The following RUNDC3B variants were observed in gnomAD, a reference collection of about 807,000 sequenced individuals.
The protein encoded by RUNDC3B is RUN domain-containing protein 3B.
Under a neutral mutation model 58.4 loss-of-function variants are expected in RUNDC3B, and 33 were observed. The ratio of observed to expected loss-of-function variants is 0.56; its 90% CI spans 0.43 to 0.75. The LOEUF is 0.75. Ranked by LOEUF, RUNDC3B falls within the 30% of genes least tolerant of loss-of-function variation. The probability of loss-of-function intolerance (pLI) is 0.00; values close to 1 mark genes in which losing one functional copy is unlikely to be tolerated. For synonymous variants in RUNDC3B, 193 were observed against 195.2 expected (o/e 0.99, Z 0.10); for missense variants, 501 against 535.7 (o/e 0.94, Z 0.64).
chr7:87,661,964 A>G lies in RUNDC3B; in HGVS notation c.238+11027A>G, dbSNP rs116996549. 4.0e-3 allele frequency among the ~76,000 whole-genome samples: 603 copies of G among 152,264 alleles called. 1 individual carries two copies. The highest frequency in any genetic ancestry group is 6.9e-3 in the Non-Finnish European group (467 of 67,990). On this transcript the variant is annotated intron_variant, in intron 2 of 10. Coordinates refer to ENST00000394654, the MANE Select transcript of RUNDC3B (RefSeq NM_001134405.2). ...GCCATTTTAACTGGAGTGAAATAAT[A>G]TATCATTGTACTTTTGATTTGCATT...
At chr7:87,700,001 G>T (rs565939332) in intron 2 of RUNDC3B, among the ~76,000 whole-genome samples, 11 of 150,518 alleles carry the variant, frequency 7.3e-5, no homozygotes, top group South Asian at 2.1e-4. Flanking sequence ...TGGTGGTGGG[G>T]TTTTTTTTTC....
intron 9 of RUNDC3B, among the ~76,000 whole-genome samples, chr7:87,810,221 C>T (rs940984901): frequency 1.3e-5 from 2 of 152,170 alleles, no homozygotes; most frequent in African/African-American, 4.8e-5. Flanking sequence ...GCAAAGGATT[C>T]ATGAATCAGG....
At chr7:87,667,593 C>T (rs1825393325) in intron 2 of RUNDC3B, among the ~76,000 whole-genome samples, 1 of 152,046 alleles carries the variant, frequency 6.6e-6, no homozygotes, top group Admixed American at 6.6e-5. Context: ...CTGGCTTTTG[C>T]CCATTCAGCA....
intron 6 of RUNDC3B, among the ~76,000 whole-genome samples, chr7:87,758,343 C>G (rs934768216): frequency 5.9e-5 from 9 of 151,956 alleles, no homozygotes; most frequent in Non-Finnish European, 1.3e-4. Context: ...AGAAAACAAA[C>G]AAACAAACAA....
intron 2 of RUNDC3B, chr7:87,694,177 A>G (rs1256180378): frequency 3.0e-6 from 1 of 336,180 alleles, no homozygotes; most frequent in African/African-American, 2.2e-5. Context: ...TCCACACAAT[A>G]TAATAACCTA....
At chr7:87,758,595 C>T (rs1355627930) in intron 6 of RUNDC3B, among the ~76,000 whole-genome samples, 2 of 151,950 alleles carry the variant, frequency 1.3e-5, no homozygotes, top group Non-Finnish European at 2.9e-5. Context: ...GGATTAATAA[C>T]CAGAATATGT....
chr7:87,665,319 TAAG>T (rs1164548326), intron 2 of RUNDC3B, among the ~76,000 whole-genome samples: 1 of 151,974 alleles, frequency 6.6e-6, no homozygotes, highest in Non-Finnish European at 1.5e-5. Flanking sequence ...AAATAGAAAT[TAAG>T]AAAACAGTTC....
intron 3 of RUNDC3B, among the ~76,000 whole-genome samples, chr7:87,708,683 G>A (rs533753268): frequency 3.2e-4 from 48 of 151,948 alleles, no homozygotes; most frequent in Non-Finnish European, 6.0e-4. Flanking sequence ...CTCATTCCCT[G>A]AAACAGGAAA....
At chr7:87,725,960 T>C (rs1373596483) in intron 4 of RUNDC3B, among the ~76,000 whole-genome samples, 2 of 152,242 alleles carry the variant, frequency 1.3e-5, no homozygotes, top group Non-Finnish European at 2.9e-5. Flanking sequence ...CTTGTAAATT[T>C]GCCTGAGTTC....
intron 8 of RUNDC3B, among the ~76,000 whole-genome samples, chr7:87,806,477 G>A (rs1290548232): frequency 1.3e-5 from 2 of 152,156 alleles, no homozygotes; most frequent in East Asian, 1.9e-4. Flanking sequence ...ATGGACTCCT[G>A]TTGGAGGATG....
Position 87,816,218 on chromosome 7 carries a change from A to G in RUNDC3B, c.1181A>G (p.Gln394Arg). 6.2e-7 allele frequency: 1 copy of G among 1,612,018 alleles called. No homozygotes were observed. Among genetic ancestry groups the G allele is most frequent in the Non-Finnish European group, 8.5e-7 (1 of 1,178,258 alleles). Residue 394 changes from glutamine (Q) to arginine (R), a missense_variant, in exon 10 of 11, where the codon CAA (glutamine) becomes CGA (arginine). Coordinates refer to ENST00000394654, the MANE Select transcript of RUNDC3B (RefSeq NM_001134405.2). ...SQTSLDPGQS[Q>R]EGDGKQDTLN... ...ACTTCACTAGATCCAGGCCAGTCAC[A>G]AGAAGGAGATGGAAAACAAGACACA...
intron 1 of RUNDC3B, among the ~76,000 whole-genome samples, chr7:87,635,716 A>C (rs1441800681): frequency 2.6e-5 from 4 of 152,212 alleles, no homozygotes; most frequent in Admixed American, 2.0e-4. Flanking sequence ...TGTAACTAGC[A>C]CCCAAGTCAA....
At chr7:87,634,385 G>A (rs1821531462) in intron 1 of RUNDC3B, among the ~76,000 whole-genome samples, 1 of 151,724 alleles carries the variant, frequency 6.6e-6, no homozygotes, top group African/African-American at 2.4e-5. Flanking sequence ...ACTTTGGGAG[G>A]CTGAGGCAGA....
chr7:87,740,692 C>T (rs1410951900), intron 5 of RUNDC3B, among the ~76,000 whole-genome samples: 2 of 152,104 alleles, frequency 1.3e-5, no homozygotes, highest in Admixed American at 6.5e-5. Flanking sequence ...TAAAGCACTT[C>T]CTTTTCTAAA....
At chr7:87,727,884 A>G (rs1831333934) in intron 4 of RUNDC3B, among the ~76,000 whole-genome samples, 2 of 152,138 alleles carry the variant, frequency 1.3e-5, no homozygotes, top group African/African-American at 2.4e-5. Flanking sequence ...TTCCTAGGAA[A>G]AATTACAGTA....
At chr7:87,813,746 G>C (rs1039260921) in intron 9 of RUNDC3B, among the ~76,000 whole-genome samples, 2 of 152,064 alleles carry the variant, frequency 1.3e-5, no homozygotes, top group Non-Finnish European at 2.9e-5. Flanking sequence ...TTGAGAGGCC[G>C]AGGCGGGAGG....
chr7:87,779,660 A>G (rs1177010105), intron 8 of RUNDC3B, among the ~76,000 whole-genome samples: 2 of 152,108 alleles, frequency 1.3e-5, no homozygotes, highest in Admixed American at 6.6e-5. Context: ...TTCAGGAGGT[A>G]TATTTGCAGG....
At chr7:87,806,566 A>G (rs543002249) in intron 8 of RUNDC3B, among the ~76,000 whole-genome samples, 4 of 152,286 alleles carry the variant, frequency 2.6e-5, no homozygotes, top group African/African-American at 9.6e-5. Context: ...TTAACCATCA[A>G]CTTAAATGTT....
At chr7:87,709,600 T>A in intron 3 of RUNDC3B, 1 of 750,874 alleles carries the variant, frequency 1.3e-6, no homozygotes, top group Non-Finnish European at 1.6e-6. Flanking sequence ...TTTTAACTAC[T>A]GCCTATATTG....
Sources: gnomAD v4.1 joint callset for allele counts (sites outside exome capture counted in the v4.1 genomes callset) on GRCh38, gnomAD v4.1.1 for gene constraint, MANE v1.5 for transcripts, NCBI Gene and HGNC (gene_info 2026-07-23, HGNC 2026-07-21) for gene names.